Variants in MRTFA observed in about 807,000 individuals in gnomAD.
MRTFA encodes myocardin-related transcription factor A.
Under a neutral mutation model 83.5 loss-of-function variants are expected in MRTFA, and 20 were observed. The observed-to-expected ratio is 0.24, with a 90% confidence interval of 0.17 to 0.35. The LOEUF is 0.35. Ranked by LOEUF, MRTFA falls within the 10% of genes least tolerant of loss-of-function variation. MRTFA has a pLI of 1.00. For missense variants in MRTFA, 1,200 were observed against 1,224.7 expected (o/e 0.98, Z 0.30); for synonymous variants, 659 against 541.2 (o/e 1.22, Z -3.02).
chr22:40,511,847 G>A (rs1161867231), intron 3 of MRTFA, among the ~76,000 whole-genome samples: 1 of 152,186 alleles, frequency 6.6e-6, no homozygotes, highest in East Asian at 1.9e-4. Flanking sequence ...CCATTACATG[G>A]TCTTTACTAT....
intron 3 of MRTFA, among the ~76,000 whole-genome samples, chr22:40,476,123 G>A (rs1275465576): frequency 4.9e-5 from 7 of 142,090 alleles, no homozygotes; most frequent in South Asian, 2.6e-4. Context: ...CAACCTGGGC[G>A]ACAGAGCAAG....
intron 2 of MRTFA, chr22:40,587,375 T>C (rs2056046940): frequency 2.5e-6 from 1 of 392,316 alleles, no homozygotes; most frequent in Admixed American, 3.3e-5. Flanking sequence ...ACAATCATCT[T>C]CATTAGAGAC....
At chr22:40,544,518 C>T (rs1441869230) in intron 3 of MRTFA, among the ~76,000 whole-genome samples, 1 of 152,174 alleles carries the variant, frequency 6.6e-6, no homozygotes, top group Non-Finnish European at 1.5e-5. Flanking sequence ...TGAGACACTA[C>T]ACCCAGCTAA....
At chr22:40,498,991 A>G (rs902243300) in intron 3 of MRTFA, among the ~76,000 whole-genome samples, 2 of 152,172 alleles carry the variant, frequency 1.3e-5, no homozygotes, top group Admixed American at 1.3e-4. Flanking sequence ...TGTTCAGCCA[A>G]TCGTCCCTTT....
rs1204135663 is a variant in MRTFA at position 40,423,576 on chromosome 22, G to A, written c.887C>T (p.Thr296Ile). 1.3e-6 allele frequency: 2 copies of A among 1,589,884 alleles called. No individual in the cohort carries two copies. Among genetic ancestry groups the A allele is most frequent in the Non-Finnish European group, 1.7e-6 (2 of 1,166,882 alleles). Residue 296 changes from threonine to isoleucine, a missense_variant, in exon 9 of 15, where the codon ACC (threonine) becomes ATC (isoleucine). Physicochemically the swap from Thr to Ile is moderately conservative, Grantham distance 89 (BLOSUM62 -1). Around this residue, in one of 2 missense-constraint regions of MRTFA, gnomAD observed 1,107 missense variants for 1,041.8 expected, o/e 1.06. Coordinates refer to ENST00000355630, the MANE Select transcript of MRTFA (RefSeq NM_020831.6). ...GGTGGACTTGGCAGTGGGGATAGTG[G>A]TTCCATTGGTGAGGCTGGGAGGCAG...
In MRTFA at chr22:40,423,598, G is replaced by A. The variant is rs1476060790; in HGVS notation, c.865C>T (p.Pro289Ser). 1.3e-6 allele frequency: 2 copies of A among 1,596,630 alleles called. No homozygotes were observed. The highest frequency in any genetic ancestry group is 1.7e-5 in the Admixed American group (1 of 58,442). The stretch of plus-strand genomic sequence containing the variant: ...GTGGTTCCATTGGTGAGGCTGGGAG[G>A]CAGCAGAGGTGGGGGAGGCAGAGGA... Residue 289 changes from proline (P) to serine (S), a missense_variant, in exon 9 of 15, where the codon CCT becomes TCT. Around this residue, in one of 2 missense-constraint regions of MRTFA, gnomAD observed 1,107 missense variants for 1,041.8 expected, o/e 1.06. Coordinates refer to ENST00000355630, the MANE Select transcript of MRTFA (RefSeq NM_020831.6).
intron 1 of MRTFA, among the ~76,000 whole-genome samples, chr22:40,597,194 T>G (rs1354930199): frequency 1.3e-5 from 2 of 152,232 alleles, no homozygotes; most frequent in Non-Finnish European, 2.9e-5. Flanking sequence ...GCTCATTATA[T>G]ACTTGCTGAT....
chr22:40,551,647 G>GC (rs2055445917), intron 3 of MRTFA, among the ~76,000 whole-genome samples: 1 of 152,138 alleles, frequency 6.6e-6, no homozygotes, highest in Admixed American at 6.5e-5. Flanking sequence ...GGAATTACAG[G>GC]CCTAAGTCAC....
At chr22:40,584,505 G>C (rs1424886378) in intron 2 of MRTFA, among the ~76,000 whole-genome samples, 1 of 152,200 alleles carries the variant, frequency 6.6e-6, no homozygotes, top group Middle Eastern at 3.2e-3. Context: ...GGGAGGCTGA[G>C]GCAGGAGGAT....
chr22:40,539,228 G>A (rs964853298), intron 3 of MRTFA, among the ~76,000 whole-genome samples: 2 of 151,686 alleles, frequency 1.3e-5, no homozygotes, highest in African/African-American at 4.9e-5. Context: ...TTGAACTCCT[G>A]GCCTCAAGTG....
chr22:40,419,524 A>G (rs942508771), intron 11 of MRTFA, 140 bp from the exon 12 acceptor site: 7 of 718,468 alleles, frequency 9.7e-6, no homozygotes, highest in African/African-American at 1.8e-5. Flanking sequence ...GGAGGGTGCA[A>G]TGCCCCCCAC....
chr22:40,557,637 A>G (rs1022026610), intron 2 of MRTFA, among the ~76,000 whole-genome samples: 31 of 152,310 alleles, frequency 2.0e-4, no homozygotes, highest in African/African-American at 7.5e-4. Flanking sequence ...AGTTTTTAAA[A>G]ATTTTAAAAA....
At chr22:40,427,744 G>A (rs952437441) in intron 7 of MRTFA, among the ~76,000 whole-genome samples, 1 of 152,136 alleles carries the variant, frequency 6.6e-6, no homozygotes, top group Non-Finnish European at 1.5e-5. Context: ...CAACACCTGA[G>A]CTTATGCTAA....
intron 3 of MRTFA, among the ~76,000 whole-genome samples, chr22:40,498,329 G>A (rs2054397918): frequency 8.6e-6 from 1 of 116,942 alleles, no homozygotes; most frequent in Non-Finnish European, 1.7e-5. Flanking sequence ...CTGTAGCTCA[G>A]GATGGAGTAC....
At chr22:40,525,702 G>A (rs953967921) in intron 3 of MRTFA, among the ~76,000 whole-genome samples, 1 of 152,074 alleles carries the variant, frequency 6.6e-6, no homozygotes, top group Admixed American at 6.6e-5. Flanking sequence ...TCTTCAGTTA[G>A]GGCACGCTAT....
chr22:40,599,811 A>T (rs1254692380), intron 1 of MRTFA, among the ~76,000 whole-genome samples: 1 of 151,948 alleles, frequency 6.6e-6, no homozygotes, highest in African/African-American at 2.4e-5. Context: ...AGGTAGGAGG[A>T]TCGCTTGACC....
chr22:40,606,931 TGTCTTGTAA>T, intron 1 of MRTFA, among the ~76,000 whole-genome samples: 1 of 152,236 alleles, frequency 6.6e-6, no homozygotes, highest in Non-Finnish European at 1.5e-5. Flanking sequence ...AGCTCAGGAG[TGTCTTGTAA>T]GTGATTTGGG....
intron 4 of MRTFA, among the ~76,000 whole-genome samples, chr22:40,450,702 C>T (rs1477311276): frequency 1.3e-5 from 2 of 152,094 alleles, no homozygotes; most frequent in Admixed American, 1.3e-4. Flanking sequence ...AAGTGATCCA[C>T]CCACCTCAAT....
intron 2 of MRTFA, among the ~76,000 whole-genome samples, chr22:40,575,269 T>C (rs2147351035): frequency 6.6e-6 from 1 of 152,336 alleles, no homozygotes; most frequent in South Asian, 2.1e-4. Context: ...TTCAGCCCCT[T>C]GCATAGAGAA....
Sources: allele counts gnomAD v4.1 joint callset (sites outside exome capture counted in the v4.1 genomes callset), GRCh38; gene constraint gnomAD v4.1.1; regional missense constraint gnomAD v4.1.1; transcripts MANE v1.5; gene names NCBI Gene and HGNC (gene_info 2026-07-23, HGNC 2026-07-21).